The following MACROD1 variants were observed in gnomAD, a reference collection of about 807,000 sequenced individuals.
The protein encoded by MACROD1 is mono-ADP ribosylhydrolase 1, also known as ADP-ribose glycohydrolase MACROD1.
MACROD1 carries 31 observed loss-of-function variants against 41.4 expected under a neutral mutation model. The ratio of observed to expected loss-of-function variants is 0.75; its 90% confidence interval spans 0.56 to 1.01. MACROD1 has a LOEUF of 1.01. Ranked by LOEUF, MACROD1 falls within the 50% of genes least tolerant of loss-of-function variation. The pLI, the probability that MACROD1 is intolerant of heterozygous loss-of-function variation, is 0.00. For missense variants in MACROD1, 473 were observed against 460.0 expected (o/e 1.03, Z -0.26); for synonymous variants, 252 against 203.4 (o/e 1.24, Z -2.03).
At chr11:64,157,468 TTTTA>T (rs1349995903) in intron 1 of MACROD1, among the ~76,000 whole-genome samples, 2 of 152,006 alleles carry the variant, frequency 1.3e-5, no homozygotes, top group Non-Finnish European at 2.9e-5. Context: ...CACAAGTGAG[TTTTA>T]TTTGTTATAA....
intron 3 of MACROD1, among the ~76,000 whole-genome samples, chr11:64,040,063 A>T (rs188434848): frequency 2.0e-5 from 3 of 152,304 alleles, no homozygotes; most frequent in African/African-American, 7.2e-5. Context: ...TGAGATAATC[A>T]TTGAGCATTA....
rs1034971640 is a variant in MACROD1, at chr11:64,068,565, C to T, written c.518-53284G>A. Among the ~76,000 whole-genome samples the T allele has an allele frequency of 6.6e-5, 10 of 152,356 alleles. No individual in the cohort carries two copies. In the South Asian group the frequency reaches 1.0e-3, roughly 16 times the overall value. On this transcript the variant is annotated intron_variant, in intron 3 of 10. Transcript: ENST00000255681. ...ACTGCCGATTACTCTTACAGAGCCC[C>T]GCATTCCCATTTGATTGGCAGATAA...
At chr11:64,158,935 C>T (rs1945710443) in intron 1 of MACROD1, among the ~76,000 whole-genome samples, 1 of 152,136 alleles carries the variant, frequency 6.6e-6, no homozygotes, top group African/African-American at 2.4e-5. Context: ...CCTGTAATCC[C>T]AGCACTTTGG....
chr11:64,149,496 T>C (rs2622414), intron 3 of MACROD1, among the ~76,000 whole-genome samples: 145,593 of 152,274 alleles, frequency 0.96, 69,936 homozygotes, highest in Middle Eastern at 1. Flanking sequence ...TAGGAAGCAG[T>C]GTTAATCACG....
intron 3 of MACROD1, among the ~76,000 whole-genome samples, chr11:64,145,726 A>G (rs1236315116): frequency 6.6e-6 from 1 of 152,174 alleles, no homozygotes; most frequent in African/African-American, 2.4e-5. Context: ...TGAAGGCCAA[A>G]GCCAGGCAGC....
At chr11:64,149,033 G>A (rs1590969440) in intron 3 of MACROD1, 2 of 985,224 alleles carry the variant, frequency 2.0e-6, no homozygotes, top group South Asian at 4.7e-5. Context: ...GGCTGTGAGA[G>A]TCTAGAACAA....
intron 2 of MACROD1, 44 bp from the exon 3 acceptor site, chr11:64,151,399 C>T: frequency 6.8e-7 from 1 of 1,480,200 alleles, no homozygotes; most frequent in Admixed American, 1.7e-5. Context: ...AGGCTGCCCA[C>T]TGCAGAGGGA....
rs957536714 is a variant in MACROD1, at chr11:64,122,668, T to G, written c.517+28571A>C. ...AGCCTCTGTTTCCCCTTCTGTAAAG[T>G]GGGGGTGTGCTAGGGAGGGGTCCAG... On this transcript the variant is annotated intron_variant, in intron 3 of 10. Coordinates refer to ENST00000255681, the MANE Select transcript of MACROD1 (RefSeq NM_014067.4). This position sits in a 1 kb window ranked among gnomAD's most constrained non-coding sequence, Gnocchi z 4.0. Among the ~76,000 whole-genome samples the G allele has an allele frequency of 6.6e-6, 1 of 151,484 alleles. No individual in the cohort carries two copies. Among genetic ancestry groups the G allele is most frequent in the African/African-American group, 2.4e-5 (1 of 41,198 alleles).
At chr11:64,165,548 GGA>G in intron 1 of MACROD1, 147 bp downstream of exon 1, 1 of 622,168 alleles carries the variant, frequency 1.6e-6, no homozygotes, top group Non-Finnish European at 2.5e-6. Flanking sequence ...CTGTCAATGG[GGA>G]GGAGGGGTCC....
intron 3 of MACROD1, among the ~76,000 whole-genome samples, chr11:64,063,957 G>A (rs1943950448): frequency 6.6e-6 from 1 of 152,216 alleles, no homozygotes; most frequent in South Asian, 2.1e-4. Flanking sequence ...GATAGACTAA[G>A]AGGTGACAAT....
rs1166984130 is a variant in MACROD1, at chr11:64,146,793, A to G, written c.517+4446T>C. On this transcript the variant is annotated intron_variant, in intron 3 of 10. Transcript: ENST00000255681. The surrounding 1 kb of genome is among the most constrained non-coding windows in gnomAD (Gnocchi z 4.7). ...CGCATCACACACATCATACAAATGC[A>G]TACGCACACCCCACACACATAGGCC... Among the ~76,000 whole-genome samples, 1 of 151,280 alleles carries G rather than the reference A, an allele frequency of 6.6e-6. No homozygotes were observed. The highest frequency in any genetic ancestry group is 1.5e-5 in the Non-Finnish European group (1 of 67,806).
At chr11:64,144,750 T>C (rs2096748824) in intron 3 of MACROD1, among the ~76,000 whole-genome samples, 2 of 152,170 alleles carry the variant, frequency 1.3e-5, no homozygotes, top group Non-Finnish European at 2.9e-5. Flanking sequence ...CCCGGCCATC[T>C]CCCCTGCCCA....
chr11:64,080,783 G>A (rs7123504), intron 3 of MACROD1, among the ~76,000 whole-genome samples: 1 of 152,296 alleles, frequency 6.6e-6, no homozygotes. Flanking sequence ...GTGGTGCTCA[G>A]AGAGGACCAG....
intron 3 of MACROD1, among the ~76,000 whole-genome samples, chr11:64,033,976 C>T (rs538511708): frequency 6.4e-4 from 97 of 152,276 alleles, no homozygotes; most frequent in African/African-American, 2.3e-3. Flanking sequence ...TCGAAGATAA[C>T]ATTTTGATAT....
At chr11:64,097,899 G>A (rs962896543) in intron 3 of MACROD1, among the ~76,000 whole-genome samples, 6 of 152,156 alleles carry the variant, frequency 3.9e-5, no homozygotes, top group Non-Finnish European at 8.8e-5. Flanking sequence ...TCTTGGTGGT[G>A]CTCCTGGGAG....
rs746082742 is a variant in MACROD1 at position 64,117,977 on chromosome 11, G to T, written c.517+33262C>A. The T allele has an allele frequency of 8.1e-6, 13 of 1,613,762 alleles. No individual in the cohort carries two copies. In the South Asian group the frequency reaches 1.4e-4, roughly 18 times the overall value. On this transcript the variant is annotated intron_variant, in intron 3 of 10. Coordinates refer to ENST00000255681, the MANE Select transcript of MACROD1 (RefSeq NM_014067.4). ...CTCTGGTCTTCCTCTTCCTGGTCCT[G>T]GGGGCCATCTGCTGGTACGTGCACC...
chr11:64,152,405 G>A lies in MACROD1; in HGVS notation c.299-12C>T. 6.2e-7 allele frequency: 1 copy of A among 1,608,930 alleles called. No homozygotes were observed. The highest frequency in any genetic ancestry group is 8.5e-7 in the Non-Finnish European group (1 of 1,175,222). On this transcript the variant is annotated splice_polypyrimidine_tract_variant and intron_variant, in intron 1 of 10. Transcript: ENST00000255681. ...GCCCTTCAGAAAGGCTGCAGAGGCA[G>A]GAAGGAGGATCAGGGTGGGGGCAGA...
In MACROD1 at chr11:63,999,696, G is replaced by C. The variant is rs764514398; in HGVS notation, c.732C>G (p.Arg244=). The C allele has an allele frequency of 7.6e-5, 122 of 1,608,910 alleles. No individual in the cohort carries two copies. In the Admixed American group the frequency reaches 8.7e-4, roughly 11 times the overall value. ...GGTCCAGACTGCTCAGGTAGCAGCT[G>C]CGGAGCTCGGCAGCCTGACTGGCGC... The part of the protein sequence containing the change: ...EPSASQAAEL[R]SCYLSSLDLL... The change falls in exon 6 of 11, where the codon CGC becomes CGG. Residue 244 remains arginine (R), a synonymous_variant. Coordinates refer to ENST00000255681, the MANE Select transcript of MACROD1 (RefSeq NM_014067.4).
chr11:64,064,336 G>A lies in MACROD1; in HGVS notation c.518-49055C>T, dbSNP rs1943957259. 6.6e-6 allele frequency among the ~76,000 whole-genome samples: 1 copy of A among 152,164 alleles called. No homozygotes were observed. The highest frequency in any genetic ancestry group is 1.5e-5 in the Non-Finnish European group (1 of 68,026). ...GGGGGGTGATGTCTCATCAGAAGAGGGGCCTGCCTGTCCAGGTAGATCCTA... is the reference window on the plus strand; with the variant it reads ...GGGGGGTGATGTCTCATCAGAAGAGAGGCCTGCCTGTCCAGGTAGATCCTA... On this transcript the variant is annotated intron_variant, in intron 3 of 10. Coordinates refer to ENST00000255681, the MANE Select transcript of MACROD1 (RefSeq NM_014067.4). This position sits in a 1 kb window ranked among gnomAD's most constrained non-coding sequence, Gnocchi z 4.5.
Sources: gnomAD v4.1 joint callset for allele counts (sites outside exome capture counted in the v4.1 genomes callset) on GRCh38, gnomAD v4.1.1 for gene constraint, Gnocchi (gnomAD v3.1) non-coding constraint, MANE v1.5 for transcripts, NCBI Gene and HGNC (gene_info 2026-07-23, HGNC 2026-07-21) for gene names.